Variants in SEMA3D observed in about 807,000 individuals in gnomAD.
SEMA3D encodes semaphorin 3D.
A neutral mutation model predicts 100.1 loss-of-function variants in SEMA3D; 84 were observed. The observed-to-expected ratio is 0.84, with a 90% CI of 0.70 to 1.01. The LOEUF is 1.01. SEMA3D is among the 50% of genes least tolerant of loss of function. SEMA3D has a pLI of 0.00. For synonymous variants in SEMA3D, 312 were observed against 320.7 expected (o/e 0.97, Z 0.29); for missense variants, 875 against 934.1 (o/e 0.94, Z 0.82).
rs150339408 is a variant in SEMA3D at position 85,086,582 on chromosome 7, C to T, written c.313-5003G>A. 2.7e-3 allele frequency among the ~76,000 whole-genome samples: 404 copies of T among 151,546 alleles called. 2 individuals carry two copies. Among genetic ancestry groups the T allele is most frequent in the African/African-American group, 9.2e-3 (381 of 41,330 alleles). On this transcript the variant is annotated intron_variant, in intron 4 of 18. Coordinates refer to ENST00000284136, the MANE Select transcript of SEMA3D (RefSeq NM_001384900.1). ...TACAATATACGCACATATATAACAG[C>T]ATTCCACTATTTTCATATTTTTCTA...
chr7:85,179,058 A>C (rs1425306088), intron 1 of SEMA3D, among the ~76,000 whole-genome samples: 1 of 152,198 alleles, frequency 6.6e-6, no homozygotes, highest in African/African-American at 2.4e-5. Context: ...ATTTCACAGG[A>C]TGTATGGAAA....
At chr7:85,239,249 G>C in the SEMA3D span, among the ~76,000 whole-genome samples, 1 of 152,140 alleles carries the variant, frequency 6.6e-6, no homozygotes. Context: ...AGTATTAAGA[G>C]TGAGGCCTTT....
intron 2 of SEMA3D, among the ~76,000 whole-genome samples, chr7:85,139,560 A>T (rs901737780): frequency 5.3e-5 from 8 of 152,034 alleles, no homozygotes; most frequent in African/African-American, 1.9e-4. Context: ...TTCTTTAAGA[A>T]CAATGCTTTT....
chr7:85,047,552 C>G (rs1418012872), intron 9 of SEMA3D, among the ~76,000 whole-genome samples: 2 of 151,666 alleles, frequency 1.3e-5, no homozygotes, highest in African/African-American at 4.8e-5. Context: ...TCATTTTAAC[C>G]TATATATTAG....
intron 3 of SEMA3D, among the ~76,000 whole-genome samples, chr7:85,108,502 T>G (rs1788996060): frequency 6.6e-6 from 1 of 152,098 alleles, no homozygotes; most frequent in African/African-American, 2.4e-5. Context: ...CGAGGATTCT[T>G]GTTGAAATAC....
the SEMA3D span, among the ~76,000 whole-genome samples, chr7:85,243,105 G>A: frequency 6.6e-6 from 1 of 152,120 alleles, no homozygotes; most frequent in Non-Finnish European, 1.5e-5. Flanking sequence ...CAGATAGAGT[G>A]GGCTTCTGTT....
At chr7:85,079,569 T>C (rs1787994348) in intron 5 of SEMA3D, among the ~76,000 whole-genome samples, 1 of 152,152 alleles carries the variant, frequency 6.6e-6, no homozygotes, top group Admixed American at 6.5e-5. Context: ...TGCTTTAACT[T>C]AATAAGAGGG....
the SEMA3D span, among the ~76,000 whole-genome samples, chr7:85,193,092 G>A: frequency 6.6e-6 from 1 of 152,170 alleles, no homozygotes; most frequent in Non-Finnish European, 1.5e-5. Context: ...TGAACAAAAT[G>A]ATGAATCAAC....
chr7:85,153,506 C>G (rs986806358), intron 2 of SEMA3D, 102 bp downstream of exon 2: 2 of 152,016 alleles, frequency 1.3e-5, no homozygotes, highest in African/African-American at 4.8e-5. Context: ...TAGAATTATT[C>G]AGAGAAACAG....
intron 2 of SEMA3D, among the ~76,000 whole-genome samples, chr7:85,124,722 T>C (rs1789518426): frequency 6.6e-6 from 1 of 152,102 alleles, no homozygotes; most frequent in African/African-American, 2.4e-5. Flanking sequence ...GCAGGTTGCA[T>C]GATAGACTTG....
At chr7:85,236,280 A>ATTTT in the SEMA3D span, among the ~76,000 whole-genome samples, 122 of 127,000 alleles carry the variant, frequency 9.6e-4, no homozygotes, top group Non-Finnish European at 1.4e-3. Context: ...ATTTTATTTT[A>ATTTT]TTTTATTTAT....
intron 3 of SEMA3D, among the ~76,000 whole-genome samples, chr7:85,107,405 A>G (rs1447416708): frequency 6.6e-6 from 1 of 152,102 alleles, no homozygotes; most frequent in Non-Finnish European, 1.5e-5. Flanking sequence ...ATCATCATGT[A>G]ATATTGTTCT....
the SEMA3D span, among the ~76,000 whole-genome samples, chr7:85,237,113 T>C: frequency 6.6e-6 from 1 of 152,226 alleles, no homozygotes; most frequent in African/African-American, 2.4e-5. Flanking sequence ...GATTGAATAA[T>C]TCTTTTTTAA....
chr7:85,104,954 A>G (rs1479914862), intron 3 of SEMA3D, among the ~76,000 whole-genome samples: 1 of 152,016 alleles, frequency 6.6e-6, no homozygotes, highest in Non-Finnish European at 1.5e-5. Context: ...CTTCACAACT[A>G]AAAATAGATC....
chr7:85,028,835 G>A (rs1562788884), intron 12 of SEMA3D: 1 of 231,690 alleles, frequency 4.3e-6, no homozygotes. Context: ...ATATTGTCCT[G>A]GTTGGTGGTC....
intron 1 of SEMA3D, among the ~76,000 whole-genome samples, chr7:85,179,877 G>A (rs556853306): frequency 6.6e-6 from 1 of 152,096 alleles, no homozygotes. Flanking sequence ...TAGCCAAGAT[G>A]GTCTTGATCT....
intron 9 of SEMA3D, among the ~76,000 whole-genome samples, chr7:85,046,938 T>A (rs1791024808): frequency 1.3e-5 from 2 of 151,982 alleles, no homozygotes; most frequent in African/African-American, 4.8e-5. Flanking sequence ...CAGGCACTTC[T>A]GTGGGTCTCT....
the SEMA3D span, among the ~76,000 whole-genome samples, chr7:85,210,242 G>A: frequency 2.0e-5 from 3 of 152,006 alleles, no homozygotes; most frequent in Non-Finnish European, 4.4e-5. Flanking sequence ...TAACCTATTA[G>A]TTATTCTTTC....
chr7:85,027,347 T>C (rs569889863), intron 12 of SEMA3D, among the ~76,000 whole-genome samples: 2 of 152,086 alleles, frequency 1.3e-5, no homozygotes, highest in African/African-American at 4.8e-5. Context: ...TTTTATCTTA[T>C]AGCAAAAAGG....
Sources: allele counts gnomAD v4.1 joint callset (sites outside exome capture counted in the v4.1 genomes callset), GRCh38; gene constraint gnomAD v4.1.1; transcripts MANE v1.5; gene names NCBI Gene and HGNC (gene_info 2026-07-23, HGNC 2026-07-21).